Variants in PDGFD observed in about 807,000 individuals in gnomAD.
PDGFD encodes platelet-derived growth factor D.
In PDGFD, 30 loss-of-function variants were observed where a neutral mutation model predicts 44.7. The observed-to-expected ratio is 0.67, with a 90% confidence interval of 0.50 to 0.91. The LOEUF (loss-of-function observed/expected upper bound fraction) is 0.91, where lower values mean the gene tolerates loss of function less well. Among genes scored for constraint, PDGFD ranks in the 40% least tolerant of loss-of-function variants. The pLI is 0.00. For synonymous variants in PDGFD, 173 were observed against 168.4 expected (o/e 1.03, Z -0.21); for missense variants, 445 against 457.8 (o/e 0.97, Z 0.25).
intron 5 of PDGFD, among the ~76,000 whole-genome samples, chr11:103,942,024 T>A (rs1858591931): frequency 1.3e-5 from 2 of 152,252 alleles, no homozygotes; most frequent in South Asian, 4.1e-4. Context: ...CATATCTCCA[T>A]AACACCAGGG....
chr11:104,118,001 A>T (rs1861666348), intron 1 of PDGFD, among the ~76,000 whole-genome samples: 1 of 151,926 alleles, frequency 6.6e-6, no homozygotes, highest in South Asian at 2.1e-4. Context: ...AAAGTGACTA[A>T]ATTTTGTATA....
At chr11:104,053,394 A>C (rs1326469410) in intron 1 of PDGFD, among the ~76,000 whole-genome samples, 2 of 152,206 alleles carry the variant, frequency 1.3e-5, no homozygotes, top group East Asian at 3.8e-4. Flanking sequence ...GTGTATTTTT[A>C]AAACTGCAGT....
intron 1 of PDGFD, among the ~76,000 whole-genome samples, chr11:104,131,825 A>G (rs1482696769): frequency 8.7e-6 from 1 of 114,876 alleles, no homozygotes; most frequent in African/African-American, 3.5e-5. Flanking sequence ...AAAAAAAAAA[A>G]AAGGGGATGC....
chr11:104,157,930 T>C (rs1182353845), intron 1 of PDGFD, among the ~76,000 whole-genome samples: 1 of 151,244 alleles, frequency 6.6e-6, no homozygotes, highest in African/African-American at 2.4e-5. Flanking sequence ...AATCTTTATT[T>C]GTCAGTTAAA....
chr11:104,144,856 A>T (rs1862140786), intron 1 of PDGFD, among the ~76,000 whole-genome samples: 2 of 152,110 alleles, frequency 1.3e-5, no homozygotes, highest in South Asian at 4.1e-4. Context: ...GGCCTAACCT[A>T]CCTCTAAGAA....
At chr11:103,922,445 T>C (rs1015455464) in intron 6 of PDGFD, among the ~76,000 whole-genome samples, 4 of 152,134 alleles carry the variant, frequency 2.6e-5, no homozygotes, top group African/African-American at 4.8e-5. Context: ...CCCTCCATCC[T>C]GAAGGAAGTC....
chr11:104,151,885 G>A (rs1313277726), intron 1 of PDGFD, among the ~76,000 whole-genome samples: 1 of 151,882 alleles, frequency 6.6e-6, no homozygotes, highest in African/African-American at 2.4e-5. Context: ...GATAATTTGT[G>A]GCTATAGTTT....
intron 1 of PDGFD, among the ~76,000 whole-genome samples, chr11:104,148,543 C>T (rs1014786119): frequency 2.0e-5 from 3 of 151,910 alleles, no homozygotes; most frequent in Non-Finnish European, 4.4e-5. Context: ...AAAAATGAAA[C>T]ATTGAAATAT....
chr11:104,122,729 A>T (rs4755007), intron 1 of PDGFD, among the ~76,000 whole-genome samples: 1,425 of 55,408 alleles, frequency 0.026, 9 homozygotes, highest in African/African-American at 0.067. Flanking sequence ...ATTTTTTTTT[A>T]AATTTTCTTC....
At chr11:104,028,247 T>C (rs1860076095) in intron 1 of PDGFD, among the ~76,000 whole-genome samples, 1 of 151,442 alleles carries the variant, frequency 6.6e-6, no homozygotes, top group Non-Finnish European at 1.5e-5. Context: ...GAAGGCAACT[T>C]GTATTTAGGA....
chr11:104,092,432 C>T (rs941877985), intron 1 of PDGFD, among the ~76,000 whole-genome samples: 1 of 152,166 alleles, frequency 6.6e-6, no homozygotes, highest in Non-Finnish European at 1.5e-5. Flanking sequence ...TACTCCCTCA[C>T]CCTCTGCGCT....
At chr11:103,940,058 C>T (rs192444728) in intron 5 of PDGFD, among the ~76,000 whole-genome samples, 1 of 151,784 alleles carries the variant, frequency 6.6e-6, no homozygotes, top group Admixed American at 6.6e-5. Flanking sequence ...TTATCTGTTT[C>T]CTCTCTCTCT....
At chr11:103,926,637 ATCACATATTTGAT>A (rs1565286203) in intron 6 of PDGFD, among the ~76,000 whole-genome samples, 1 of 152,202 alleles carries the variant, frequency 6.6e-6, no homozygotes, top group African/African-American at 2.4e-5. Flanking sequence ...AAATTACTGT[ATCACATATTTGAT>A]TATATATTCT....
chr11:104,024,431 C>T (rs1860010527), intron 1 of PDGFD, among the ~76,000 whole-genome samples: 1 of 152,166 alleles, frequency 6.6e-6, no homozygotes, highest in Non-Finnish European at 1.5e-5. Flanking sequence ...TGGTGTATCT[C>T]TAATGTTTGC....
chr11:104,108,439 C>T (rs944385637), intron 1 of PDGFD, among the ~76,000 whole-genome samples: 1 of 152,038 alleles, frequency 6.6e-6, no homozygotes, highest in African/African-American at 2.4e-5. Context: ...AGCCAAAAGA[C>T]ACATGAAAAA....
intron 1 of PDGFD, chr11:104,037,526 C>T (rs750106656): frequency 1.2e-6 from 2 of 1,614,092 alleles, no homozygotes; most frequent in Non-Finnish European, 1.7e-6. Flanking sequence ...GAAGAGGCCC[C>T]CGAGAGTTTT....
intron 1 of PDGFD, among the ~76,000 whole-genome samples, chr11:104,044,737 G>A (rs1860412484): frequency 6.6e-6 from 1 of 152,132 alleles, no homozygotes; most frequent in East Asian, 1.9e-4. Context: ...GACTGTCCTG[G>A]TTTTAAAACT....
At chr11:104,052,303 A>G (rs543155279) in intron 1 of PDGFD, among the ~76,000 whole-genome samples, 191 of 152,316 alleles carry the variant, frequency 1.3e-3, no homozygotes, top group African/African-American at 4.5e-3. Context: ...AGTAAAACCC[A>G]GTAGAAATCC....
At chr11:104,103,747 TACTC>T (rs1861431985) in intron 1 of PDGFD, among the ~76,000 whole-genome samples, 1 of 151,998 alleles carries the variant, frequency 6.6e-6, no homozygotes, top group Admixed American at 6.6e-5. Flanking sequence ...TAAGCAAACT[TACTC>T]TACTGCCAGT....
Sources: gnomAD v4.1 joint callset for allele counts (sites outside exome capture counted in the v4.1 genomes callset) on GRCh38, gnomAD v4.1.1 for gene constraint, MANE v1.5 for transcripts, NCBI Gene and HGNC (gene_info 2026-07-23, HGNC 2026-07-21) for gene names.